EVA1A: variants seen among roughly 807,000 people sequenced by gnomAD.
EVA1A encodes the protein protein eva-1 homolog A.
In EVA1A, 7 loss-of-function variants were observed where a neutral mutation model predicts 9.8. The observed-to-expected ratio is 0.71, with a 90% CI of 0.41 to 1.34. The LOEUF (loss-of-function observed/expected upper bound fraction) is 1.34, where lower values mean the gene tolerates loss of function less well. EVA1A is among the 40% of genes most tolerant of loss of function. The pLI is 0.01. For synonymous variants in EVA1A, 90 were observed against 85.6 expected (o/e 1.05, Z -0.28); for missense variants, 206 against 205.9 (o/e 1.00, Z 0.00).
chr2:75,498,867 G>A (rs1029872409), intron 3 of EVA1A, among the ~76,000 whole-genome samples: 4 of 150,220 alleles, frequency 2.7e-5, no homozygotes, highest in African/African-American at 4.9e-5. Flanking sequence ...ATATTCCTAC[G>A]CCAGATGCTA....
At chr2:75,560,496 G>A (rs564725166) in intron 1 of EVA1A, among the ~76,000 whole-genome samples, 184 bp downstream of exon 1, 8 of 152,260 alleles carry the variant, frequency 5.3e-5, no homozygotes, top group African/African-American at 1.9e-4. Context: ...GAAAGCGCTG[G>A]GAAGCAGAGT....
intron 1 of EVA1A, among the ~76,000 whole-genome samples, chr2:75,549,008 AT>A (rs10552575): frequency 0.04 from 3,448 of 85,306 alleles, 55 homozygotes; most frequent in African/African-American, 0.054. Flanking sequence ...ATATATATAT[AT>A]TTTTTTTTTT....
chr2:75,507,501 A>C (rs1484863842), intron 3 of EVA1A, among the ~76,000 whole-genome samples: 3 of 152,188 alleles, frequency 2.0e-5, no homozygotes, highest in Admixed American at 1.3e-4. Flanking sequence ...TTCCAGAGAT[A>C]ATCAGAGGGG....
chr2:75,539,867 A>C (rs2103932254), intron 1 of EVA1A, among the ~76,000 whole-genome samples: 1 of 152,316 alleles, frequency 6.6e-6, no homozygotes, highest in South Asian at 2.1e-4. Flanking sequence ...GCAGTGGGTA[A>C]TTGAAGGCAT....
intron 2 of EVA1A, among the ~76,000 whole-genome samples, chr2:75,519,338 T>C (rs1201187926): frequency 6.6e-6 from 1 of 152,138 alleles, no homozygotes; most frequent in Non-Finnish European, 1.5e-5. Context: ...GGGTCACAGA[T>C]ATGAGTAACA....
intron 1 of EVA1A, among the ~76,000 whole-genome samples, chr2:75,528,958 T>C (rs979378157): frequency 2.0e-5 from 3 of 152,182 alleles, no homozygotes; most frequent in African/African-American, 7.2e-5. Flanking sequence ...AGGTCCTGAA[T>C]CTGTCTGTGT....
Position 75,518,044 on chromosome 2 carries a change from C to A in EVA1A, c.85+12G>T, listed in dbSNP as rs1194662670. The A allele has an allele frequency of 6.2e-7, 1 of 1,613,858 alleles. No individual in the cohort carries two copies. Among genetic ancestry groups the A allele is most frequent in the Non-Finnish European group, 8.5e-7 (1 of 1,179,866 alleles). On this transcript the variant is annotated intron_variant, in intron 3 of 3. Transcript: ENST00000393913. ...GACCTCAGTCCTGGCCCAGTGGAAA[C>A]CAGGCACCTACCTGAGACAAAGGAA... is the stretch of plus-strand genomic sequence containing the variant.
At chr2:75,502,324 A>G (rs533844048) in intron 3 of EVA1A, among the ~76,000 whole-genome samples, 2 of 152,324 alleles carry the variant, frequency 1.3e-5, no homozygotes, top group African/African-American at 4.8e-5. Context: ...TTTTCAGACC[A>G]TGAAGGTTTC....
Position 75,497,593 on chromosome 2 carries a change from T to A in EVA1A, c.86-3984A>T, listed in dbSNP as rs549108638. Among the ~76,000 whole-genome samples the A allele has an allele frequency of 2.0e-5, 3 of 152,192 alleles. No individual in the cohort carries two copies. In the East Asian group the frequency reaches 5.8e-4, roughly 29 times the overall value. Reference sequence around the variant, plus strand: ...GGCTGGGCATGGTAGCTCACACTTATAATCTCAACACTTTGGGAGGCTGAG... The same window carrying A: ...GGCTGGGCATGGTAGCTCACACTTAAAATCTCAACACTTTGGGAGGCTGAG... On this transcript the variant is annotated intron_variant, in intron 3 of 3. Transcript: ENST00000393913.
chr2:75,568,914 A>G (rs1677075957), intron 1 of EVA1A, among the ~76,000 whole-genome samples: 1 of 152,168 alleles, frequency 6.6e-6, no homozygotes, highest in Admixed American at 6.5e-5. Context: ...CATCTTTGCA[A>G]TTGCAAATTC....
chr2:75,512,066 T>C (rs1457661194), intron 3 of EVA1A, among the ~76,000 whole-genome samples: 1 of 152,082 alleles, frequency 6.6e-6, no homozygotes, highest in African/African-American at 2.4e-5. Context: ...CACATATTTA[T>C]GGGGTACCCA....
intron 1 of EVA1A, among the ~76,000 whole-genome samples, chr2:75,566,457 C>G (rs575112096): frequency 1.3e-5 from 2 of 152,292 alleles, no homozygotes; most frequent in Non-Finnish European, 2.9e-5. Context: ...TTTCATGGAA[C>G]TAAGACCTCT....
At chr2:75,493,811 T>A (rs1674111267) in intron 3 of EVA1A, among the ~76,000 whole-genome samples, 1 of 152,214 alleles carries the variant, frequency 6.6e-6, no homozygotes, top group East Asian at 1.9e-4. Context: ...TATATGAAAT[T>A]CTTTCACTCT....
chr2:75,526,926 T>A (rs1675466157), intron 1 of EVA1A, among the ~76,000 whole-genome samples: 1 of 152,180 alleles, frequency 6.6e-6, no homozygotes, highest in African/African-American at 2.4e-5. Context: ...TCTGAAAGAC[T>A]TGTTGGGGGT....
intron 1 of EVA1A, among the ~76,000 whole-genome samples, chr2:75,540,310 T>A (rs756207690): frequency 1.3e-5 from 2 of 152,260 alleles, no homozygotes; most frequent in Non-Finnish European, 2.9e-5. Context: ...TGATGACATT[T>A]AGAGCCACAT....
At chr2:75,518,679 C>T (rs193219620) in intron 2 of EVA1A, 10 of 987,460 alleles carry the variant, frequency 1.0e-5, no homozygotes, top group Non-Finnish European at 1.2e-5. Context: ...CCTGGTTCAC[C>T]TTTGAGGCAC....
chr2:75,537,603 C>A, intron 1 of EVA1A, among the ~76,000 whole-genome samples: 1 of 152,174 alleles, frequency 6.6e-6, no homozygotes, highest in Non-Finnish European at 1.5e-5. Context: ...ATGCCATGGA[C>A]ATTGTCCTTC....
At chr2:75,546,060 G>A (rs1438036527) in intron 1 of EVA1A, among the ~76,000 whole-genome samples, 2 of 152,162 alleles carry the variant, frequency 1.3e-5, no homozygotes, top group Non-Finnish European at 2.9e-5. Context: ...CAAAGTGAAA[G>A]GAAGGGAAAG....
rs1023877004 is a variant in EVA1A, at chr2:75,522,436, T to G, written c.-140A>C. On this transcript the variant is annotated 5_prime_UTR_variant, in exon 2 of 4. It removes an upstream start codon present in the reference 5' UTR. Transcript: ENST00000393913. Reference sequence around the variant, plus strand: ...CAGTTCATCTCTGATGATGTTGGCATCAGCCAGTAGAGGTTCTAAAACTTG... The same window carrying G: ...CAGTTCATCTCTGATGATGTTGGCAGCAGCCAGTAGAGGTTCTAAAACTTG... 1 of 152,172 alleles carries G rather than the reference T, an allele frequency of 6.6e-6. No individual in the cohort carries two copies. Among genetic ancestry groups the G allele is most frequent in the Non-Finnish European group, 1.5e-5 (1 of 68,034 alleles). 9.4% of individuals were successfully genotyped at this position (152,172 alleles called of 1,614,324 possible).
Sources: allele counts gnomAD v4.1 joint callset (sites outside exome capture counted in the v4.1 genomes callset), GRCh38; gene constraint gnomAD v4.1.1; transcripts MANE v1.5; gene names NCBI Gene and HGNC (gene_info 2026-07-23, HGNC 2026-07-21).